Variants in REV3L observed in about 807,000 individuals in gnomAD.
The protein encoded by REV3L is REV3 like, DNA directed polymerase zeta catalytic subunit, also known as DNA polymerase zeta catalytic subunit.
In REV3L, 69 loss-of-function variants were observed where a neutral mutation model predicts 299.4. The observed-to-expected ratio is 0.23, with a 90% CI of 0.19 to 0.28. The LOEUF is 0.28. Among genes scored for constraint, REV3L ranks in the 10% least tolerant of loss-of-function variants. The pLI is 1.00. For synonymous variants in REV3L, 1,238 were observed against 1,271.4 expected (o/e 0.97, Z 0.56); for missense variants, 3,128 against 3,693.8 (o/e 0.85, Z 3.97).
intron 21 of REV3L, among the ~76,000 whole-genome samples, chr6:111,338,504 T>C (rs1776167822): frequency 6.6e-6 from 1 of 151,366 alleles, no homozygotes; most frequent in Non-Finnish European, 1.5e-5. Context: ...TACCCTTTTT[T>C]TTACTAATTT....
chr6:111,347,288 A>T (rs943202504), intron 20 of REV3L, among the ~76,000 whole-genome samples: 4 of 150,912 alleles, frequency 2.7e-5, no homozygotes, highest in South Asian at 2.1e-4. Flanking sequence ...TAAAATAAAA[A>T]AAAATATATA....
intron 1 of REV3L, among the ~76,000 whole-genome samples, chr6:111,465,146 T>A (rs1791298505): frequency 6.8e-6 from 1 of 147,322 alleles, no homozygotes; most frequent in Admixed American, 6.9e-5. Flanking sequence ...AATGGTGCGA[T>A]CTCAGCTCAC....
chr6:111,349,058 T>A (rs186466946), intron 20 of REV3L, 160 bp downstream of exon 20: 19 of 497,588 alleles, frequency 3.8e-5, no homozygotes, highest in African/African-American at 3.6e-4. Context: ...CCTCTGTAGT[T>A]TTGCATTTTA....
intron 7 of REV3L, 148 bp from the exon 8 acceptor site, chr6:111,388,233 A>G: frequency 1.6e-6 from 1 of 609,132 alleles, no homozygotes. Context: ...TTACCATAGA[A>G]TCACACAAAA....
intron 26 of REV3L, among the ~76,000 whole-genome samples, chr6:111,316,922 A>G (rs568195647): frequency 6.6e-6 from 1 of 152,214 alleles, no homozygotes; most frequent in Non-Finnish European, 1.5e-5. Flanking sequence ...TCAAAATACC[A>G]ATACAAAATA....
chr6:111,471,069 A>T (rs1052200713), intron 1 of REV3L, among the ~76,000 whole-genome samples: 3 of 152,322 alleles, frequency 2.0e-5, no homozygotes, highest in African/African-American at 7.2e-5. Context: ...TGGTGATGAG[A>T]GGTGAAGCTC....
chr6:111,369,999 A>ATT (rs1304781574), intron 13 of REV3L, among the ~76,000 whole-genome samples: 2 of 151,802 alleles, frequency 1.3e-5, no homozygotes, highest in Non-Finnish European at 2.9e-5. Context: ...TGCCCAGCTA[A>ATT]TTTTTGTATT....
At chr6:111,461,943 C>T (rs1390625750) in intron 1 of REV3L, among the ~76,000 whole-genome samples, 1 of 151,980 alleles carries the variant, frequency 6.6e-6, no homozygotes, top group Non-Finnish European at 1.5e-5. Flanking sequence ...AATCTAAACA[C>T]ACTAAATAAA....
rs371084369 is a variant in REV3L at position 111,348,709 on chromosome 6, G to A, written c.7419+509C>T. 1.3e-4 allele frequency among the ~76,000 whole-genome samples: 20 copies of A among 152,314 alleles called. No homozygotes were observed. The South Asian group carries it at 4.1e-3, about 32-fold the overall frequency. On this transcript the variant is annotated intron_variant, in intron 20 of 31. Coordinates refer to ENST00000368802, the MANE Select transcript of REV3L (RefSeq NM_001372078.1). ...CTGTCACCCAGGCTTGAGTGCAGTG[G>A]CACAATCACAGCTCACCGCAACCTC...
At chr6:111,343,836 A>C in intron 21 of REV3L, 89 bp downstream of exon 21, 2 of 961,224 alleles carry the variant, frequency 2.1e-6, no homozygotes, top group Non-Finnish European at 3.1e-6. Context: ...GGCCTGAACA[A>C]TACACTTTAA....
At chr6:111,380,834 C>T (rs1419706887) in intron 10 of REV3L, among the ~76,000 whole-genome samples, 2 of 152,152 alleles carry the variant, frequency 1.3e-5, no homozygotes, top group African/African-American at 4.8e-5. Flanking sequence ...GGAGGCCTTG[C>T]CAGGGAAGGC....
intron 1 of REV3L, among the ~76,000 whole-genome samples, chr6:111,446,611 G>A (rs1788870947): frequency 6.6e-6 from 1 of 152,096 alleles, no homozygotes; most frequent in Non-Finnish European, 1.5e-5. Flanking sequence ...TGAAACAGGA[G>A]AATTGCTTGA....
At chr6:111,329,130 G>A (rs965594320) in intron 25 of REV3L, among the ~76,000 whole-genome samples, 11 of 151,954 alleles carry the variant, frequency 7.2e-5, no homozygotes, top group African/African-American at 2.4e-4. Context: ...TGCAACCTCT[G>A]CCTCCTGGGT....
At chr6:111,359,966 C>T (rs568023865) in intron 16 of REV3L, among the ~76,000 whole-genome samples, 1 of 152,124 alleles carries the variant, frequency 6.6e-6, no homozygotes, top group South Asian at 2.1e-4. Flanking sequence ...AATTAAAATC[C>T]ATTGATGTGG....
intron 9 of REV3L, among the ~76,000 whole-genome samples, chr6:111,382,179 A>G (rs1256483578): frequency 1.3e-5 from 2 of 152,192 alleles, no homozygotes; most frequent in Admixed American, 1.3e-4. Context: ...GAATCCTCCA[A>G]CAATTGCCGT....
chr6:111,474,351 G>A (rs1484493757), intron 1 of REV3L, among the ~76,000 whole-genome samples: 1 of 152,152 alleles, frequency 6.6e-6, no homozygotes, highest in East Asian at 1.9e-4. Context: ...CTGCTTCCTT[G>A]TCCTCTCATT....
At chr6:111,354,092 C>G (rs560278573) in intron 18 of REV3L, 2 of 152,332 alleles carry the variant, frequency 1.3e-5, no homozygotes, top group East Asian at 1.9e-4. Flanking sequence ...TCTTAAGAAT[C>G]GGGAAGATTC....
intron 21 of REV3L, among the ~76,000 whole-genome samples, chr6:111,338,311 C>CTTTTTTTTTTTTT (rs1776115188): frequency 8.2e-5 from 4 of 49,032 alleles, no homozygotes; most frequent in Admixed American, 2.3e-4. Flanking sequence ...AGTCTAAAGT[C>CTTTTTTTTTTTTT]CTTTTTTTTT....
At chr6:111,381,108 T>TA (rs1300639139) in intron 10 of REV3L, among the ~76,000 whole-genome samples, 2 of 152,208 alleles carry the variant, frequency 1.3e-5, no homozygotes, top group African/African-American at 4.8e-5. Flanking sequence ...AAAGTACAGT[T>TA]AAAAAAACTA....
Sources: gnomAD v4.1 joint callset for allele counts (sites outside exome capture counted in the v4.1 genomes callset) on GRCh38, gnomAD v4.1.1 for gene constraint, MANE v1.5 for transcripts, NCBI Gene and HGNC (gene_info 2026-07-23, HGNC 2026-07-21) for gene names.